The following SIRT2 variants were observed in gnomAD, a reference collection of about 807,000 sequenced individuals.
SIRT2 encodes the protein sirtuin 2, also known as NAD-dependent protein deacetylase sirtuin-2.
A neutral mutation model predicts 57.4 loss-of-function variants in SIRT2; 40 were observed. The ratio of observed to expected loss-of-function variants is 0.70; its 90% CI spans 0.54 to 0.91. SIRT2 has a LOEUF of 0.91. Ranked by LOEUF, SIRT2 falls within the 40% of genes least tolerant of loss-of-function variation. The probability of loss-of-function intolerance (pLI) is 0.00; values close to 1 mark genes in which losing one functional copy is unlikely to be tolerated. For synonymous variants in SIRT2, 161 were observed against 195.7 expected (o/e 0.82, Z 1.48); for missense variants, 439 against 510.4 (o/e 0.86, Z 1.35).
At chr19:38,895,972 T>C (rs897986853) in intron 2 of SIRT2, among the ~76,000 whole-genome samples, 1 of 152,118 alleles carries the variant, frequency 6.6e-6, no homozygotes, top group Non-Finnish European at 1.5e-5. Flanking sequence ...TTCAGGAGGC[T>C]GAGGCAGGAG....
chr19:38,892,007 G>A (rs988835933), intron 4 of SIRT2: 5 of 441,106 alleles, frequency 1.1e-5, no homozygotes, highest in Admixed American at 2.6e-5. Context: ...CTCAACAAAA[G>A]GCTGCTCAGG....
chr19:38,890,323 A>C (rs1258398417), intron 4 of SIRT2, among the ~76,000 whole-genome samples, 179 bp from the exon 5 acceptor site: 1 of 151,968 alleles, frequency 6.6e-6, no homozygotes, highest in Non-Finnish European at 1.5e-5. Flanking sequence ...CCATTTTATA[A>C]ATGAGAAAAC....
At chr19:38,893,160 T>C (rs960057416) in intron 4 of SIRT2, among the ~76,000 whole-genome samples, 2 of 152,146 alleles carry the variant, frequency 1.3e-5, no homozygotes, top group Admixed American at 1.3e-4. Context: ...TGCCAGGAGT[T>C]ACCTTTACCC....
At chr19:38,889,983 G>C (rs200544410) in intron 5 of SIRT2, 22 bp from the exon 6 acceptor site, 1 of 1,611,626 alleles carries the variant, frequency 6.2e-7, no homozygotes, top group African/African-American at 1.3e-5. Context: ...GGGTCAGGGA[G>C]CAGTTGGTCT....
At position 38,880,577 on chromosome 19, in the gene SIRT2, C is replaced by G; in HGVS notation, c.876+108G>C. On this transcript the variant is annotated intron_variant, in intron 13 of 15. Coordinates refer to ENST00000249396, the MANE Select transcript of SIRT2 (RefSeq NM_012237.4). This position sits in a 1 kb window ranked among gnomAD's most constrained non-coding sequence, Gnocchi z 4.1. Reference sequence around the variant, plus strand: ...GGATTCTAGAGCCCCAGGTTCTGAGCTGAGGAATGCAAAGTGCTGGGGTTC... The same window carrying G: ...GGATTCTAGAGCCCCAGGTTCTGAGGTGAGGAATGCAAAGTGCTGGGGTTC... 1.3e-6 allele frequency: 1 copy of G among 751,398 alleles called. No homozygotes were observed. The highest frequency in any genetic ancestry group is 1.8e-5 in the South Asian group (1 of 54,354). 46.5% of individuals were successfully genotyped at this position (751,398 alleles called of 1,614,324 possible). A position where few individuals can be genotyped will look rare whatever the true frequency, so the allele number is the denominator to read the frequency against.
chr19:38,893,662 G>T, intron 3 of SIRT2, 135 bp from the exon 4 acceptor site: 1 of 1,170,736 alleles, frequency 8.5e-7, no homozygotes, highest in Non-Finnish European at 1.2e-6. Context: ...CCAGCCAGCG[G>T]CCTCCAGGAG....
chr19:38,881,720 C>T (rs1448287206), intron 9 of SIRT2, among the ~76,000 whole-genome samples: 1 of 151,378 alleles, frequency 6.6e-6, no homozygotes, highest in African/African-American at 2.4e-5. Context: ...TAAGGTCTCA[C>T]TCTGTTGCCC....
chr19:38,884,288 T>C (rs1175178717), intron 8 of SIRT2, among the ~76,000 whole-genome samples: 2 of 152,222 alleles, frequency 1.3e-5, no homozygotes, highest in Non-Finnish European at 2.9e-5. Flanking sequence ...CATTAATTGC[T>C]GAAATTAACA....
chr19:38,889,753 A>G lies in SIRT2; in HGVS notation c.376-8T>C. ...GAAGGGTTCCGGATGTTTCTGTAGG[A>G]GAGACAGCCAGAGGGCCAGATGCCC... is the stretch of plus-strand genomic sequence containing the variant. On this transcript the variant is annotated splice_polypyrimidine_tract_variant and splice_region_variant and intron_variant, in intron 6 of 15. Transcript: ENST00000249396. 6.2e-7 allele frequency: 1 copy of G among 1,614,154 alleles called. No individual in the cohort carries two copies. The highest frequency in any genetic ancestry group is 8.5e-7 in the Non-Finnish European group (1 of 1,180,032).
At position 38,889,906 on chromosome 19, in the gene SIRT2, C is replaced by T. The variant is rs949405140; in HGVS notation, c.324G>A (p.Glu108=). The T allele has an allele frequency of 5.6e-6, 9 of 1,614,044 alleles. No homozygotes were observed. The highest frequency in any genetic ancestry group is 2.2e-5 in the East Asian group (1 of 44,890). The change falls in exon 6 of 16, where the codon GAG becomes GAA. Residue 108 remains glutamate (E), a synonymous_variant. Transcript: ENST00000249396. ...CCTCTGGGTAGGGAAGATGGTACTT[C>T]TCTAGGTTGTCATAGAGGCCGGTGG... is the stretch of plus-strand genomic sequence containing the variant. The part of the protein sequence containing the change: ...SPSTGLYDNL[E]KYHLPYPEAI...
intron 13 of SIRT2, 113 bp from the exon 14 acceptor site, chr19:38,879,815 T>C: frequency 1.3e-6 from 1 of 764,658 alleles, no homozygotes; most frequent in Non-Finnish European, 2.1e-6. Flanking sequence ...TTTGTTTTTT[T>C]TTTGTTGTTG....
rs562885254 is a variant in SIRT2, at chr19:38,881,981, G to A, written c.632-490C>T. ...TGCAATTACAGGTGTGAGCCACTGC[G>A]CCCGGCCTTATTGGTTTGTTTGTTT... On this transcript the variant is annotated intron_variant, in intron 9 of 15. Transcript: ENST00000249396. 3.3e-5 allele frequency among the ~76,000 whole-genome samples: 5 copies of A among 150,092 alleles called. No individual in the cohort carries two copies. In the South Asian group the frequency reaches 6.3e-4, roughly 19 times the overall value.
chr19:38,885,349 C>T lies in SIRT2; in HGVS notation c.502-1593G>A, dbSNP rs139781937. On this transcript the variant is annotated intron_variant, in intron 8 of 15. Transcript: ENST00000249396. ...TGAACTCCTGGGCTCAAGTGATCCT[C>T]CCACTTCAGCCTCCCAAAGCGTTGG... Among the ~76,000 whole-genome samples the T allele has an allele frequency of 6.3e-3, 959 of 152,246 alleles. 11 individuals are homozygous for T. The highest frequency in any genetic ancestry group is 6.9e-3 in the Non-Finnish European group (469 of 68,010).
intron 7 of SIRT2, chr19:38,889,434 A>G (rs1340298199): frequency 6.0e-6 from 4 of 669,334 alleles, no homozygotes; most frequent in African/African-American, 3.6e-5. Context: ...TCTCAACGGC[A>G]TCATTAGTCA....
At chr19:38,882,269 C>T (rs539527075) in intron 9 of SIRT2, among the ~76,000 whole-genome samples, 82 of 152,266 alleles carry the variant, frequency 5.4e-4, no homozygotes, top group South Asian at 1.7e-3. Flanking sequence ...CCCACCTCGA[C>T]GTCCAAAAGT....
rs776314748 is a variant in SIRT2 at position 38,898,392 on chromosome 19, A to T, written c.50T>A (p.Val17Glu). The T allele has an allele frequency of 6.4e-7, 1 of 1,551,886 alleles. No homozygotes were observed. The highest frequency in any genetic ancestry group is 2.3e-5 in the East Asian group (1 of 43,218). Reference protein sequence around the residue: ...SHPLETQAGKVQEAQDSDSDS... With the variant: ...SHPLETQAGKEQEAQDSDSDS... ...CCCCCATCTCACCTGAGCCTCCTGC[A>T]CCTTCCCTGCCTGGGTCTCCAGAGG... Residue 17 changes from valine to glutamate, a missense_variant, in exon 2 of 16, where the codon GTG (valine) becomes GAG (glutamate). Physicochemically the swap from Val to Glu is moderately radical, Grantham distance 121. Coordinates refer to ENST00000249396, the MANE Select transcript of SIRT2 (RefSeq NM_012237.4).
chr19:38,886,898 C>T (rs532325061), intron 8 of SIRT2, among the ~76,000 whole-genome samples: 82 of 152,150 alleles, frequency 5.4e-4, no homozygotes, highest in Non-Finnish European at 8.2e-4. Context: ...ACGTGAGCCA[C>T]CGCGCCTGGC....
chr19:38,885,065 C>T (rs1036225241), intron 8 of SIRT2, among the ~76,000 whole-genome samples: 1 of 151,992 alleles, frequency 6.6e-6, no homozygotes, highest in Admixed American at 6.6e-5. Context: ...TGGCCTGTTT[C>T]ATAGATGGCA....
chr19:38,890,132 A>T lies in SIRT2; in HGVS notation c.239T>A (p.Ile80Asn). 6.2e-7 allele frequency: 1 copy of T among 1,614,154 alleles called. No individual in the cohort carries two copies. The highest frequency in any genetic ancestry group is 1.3e-5 in the African/African-American group (1 of 75,012). The change falls in exon 5 of 16, where the codon ATC (isoleucine) becomes AAC (asparagine). Residue 80 changes from isoleucine (I) to asparagine (N), a missense_variant. By Grantham distance (149) the Ile-to-Asn change is moderately radical. Coordinates refer to ENST00000249396, the MANE Select transcript of SIRT2 (RefSeq NM_012237.4). ...GGAGATTCCAGCTCCCACCAAACAG[A>T]TGACTCTGCGACCTGGAGGAGAGGA... is the stretch of plus-strand genomic sequence containing the variant. ...YMQSERCRRVICLVGAGISTS... is the reference protein window; with the variant it reads ...YMQSERCRRVNCLVGAGISTS...
Sources: allele counts gnomAD v4.1 joint callset (sites outside exome capture counted in the v4.1 genomes callset), GRCh38; gene constraint gnomAD v4.1.1; non-coding constraint Gnocchi (gnomAD v3.1); transcripts MANE v1.5; gene names NCBI Gene and HGNC (gene_info 2026-07-23, HGNC 2026-07-21).